The following IQCM variants were observed in gnomAD, a reference collection of about 807,000 sequenced individuals.
IQCM encodes IQ motif containing M, also known as IQ domain-containing protein M.
In IQCM, 45 loss-of-function variants were observed where a neutral mutation model predicts 57.6. That is an observed-to-expected ratio of 0.78 (90% CI 0.62 to 1.00). The LOEUF is 1.00. Ranked by LOEUF, IQCM falls within the 50% of genes least tolerant of loss-of-function variation. IQCM has a pLI of 0.00. For synonymous variants in IQCM, 148 were observed against 158.9 expected (o/e 0.93, Z 0.51); for missense variants, 468 against 511.6 (o/e 0.91, Z 0.82).
chr4:149,487,844 T>C (rs1030724643), intron 12 of IQCM, among the ~76,000 whole-genome samples: 2 of 152,100 alleles, frequency 1.3e-5, no homozygotes, highest in African/African-American at 4.8e-5. Context: ...TTCAAGACTC[T>C]CTCTCTCTCC....
intron 2 of IQCM, among the ~76,000 whole-genome samples, chr4:149,778,325 G>A (rs1487659466): frequency 2.0e-5 from 3 of 152,030 alleles, no homozygotes; most frequent in Non-Finnish European, 2.9e-5. Context: ...GCAGTGAGCG[G>A]AGATGGCGCC....
intron 7 of IQCM, among the ~76,000 whole-genome samples, chr4:149,662,114 G>T: frequency 6.6e-6 from 1 of 152,020 alleles, no homozygotes; most frequent in African/African-American, 2.4e-5. Flanking sequence ...CTTTTGCTAT[G>T]TCCCGTGGGT....
intron 2 of IQCM, among the ~76,000 whole-genome samples, chr4:149,796,390 T>C (rs1773119689): frequency 6.6e-6 from 1 of 152,184 alleles, no homozygotes; most frequent in African/African-American, 2.4e-5. Flanking sequence ...CAGCTCAGCC[T>C]CAGTACAGTA....
At chr4:149,396,603 C>A (rs1732247094) in intron 13 of IQCM, among the ~76,000 whole-genome samples, 1 of 151,964 alleles carries the variant, frequency 6.6e-6, no homozygotes, top group Admixed American at 6.6e-5. Context: ...ACCCTCTTGA[C>A]AAATTTTTAA....
chr4:149,505,285 A>T (rs1199342756), intron 12 of IQCM, among the ~76,000 whole-genome samples: 1 of 152,210 alleles, frequency 6.6e-6, no homozygotes, highest in African/African-American at 2.4e-5. Flanking sequence ...ACTAGATGTA[A>T]TTTTAAAATA....
At chr4:149,669,711 C>T in intron 7 of IQCM, among the ~76,000 whole-genome samples, 1 of 152,148 alleles carries the variant, frequency 6.6e-6, no homozygotes, top group Non-Finnish European at 1.5e-5. Context: ...CCGGTTTTCC[C>T]AGCACCATTT....
intron 13 of IQCM, among the ~76,000 whole-genome samples, chr4:149,357,997 T>C (rs1729134701): frequency 6.6e-6 from 1 of 152,232 alleles, no homozygotes; most frequent in Non-Finnish European, 1.5e-5. Flanking sequence ...TCGAGGAATT[T>C]ATCCATTTCT....
At chr4:149,770,053 CA>C (rs1201142390) in intron 2 of IQCM, among the ~76,000 whole-genome samples, 3 of 151,900 alleles carry the variant, frequency 2.0e-5, no homozygotes, top group African/African-American at 7.2e-5. Flanking sequence ...CTCCAAAGCT[CA>C]TTCTTTAGAA....
At chr4:149,669,772 AG>A (rs755097304) in intron 7 of IQCM, among the ~76,000 whole-genome samples, 1 of 152,180 alleles carries the variant, frequency 6.6e-6, no homozygotes, top group Non-Finnish European at 1.5e-5. Flanking sequence ...GGTTTGTCAA[AG>A]ATCAGACGGT....
chr4:149,382,798 G>T (rs191716607), intron 13 of IQCM, among the ~76,000 whole-genome samples: 144 of 152,082 alleles, frequency 9.5e-4, no homozygotes, highest in Middle Eastern at 3.4e-3. Context: ...GAGTGATATT[G>T]TTCACATTAA....
At chr4:149,516,538 T>C (rs1744988584) in intron 12 of IQCM, among the ~76,000 whole-genome samples, 1 of 152,190 alleles carries the variant, frequency 6.6e-6, no homozygotes, top group African/African-American at 2.4e-5. Context: ...CAATGCCAAC[T>C]AGGTAACAAT....
chr4:149,752,631 C>A (rs1768565005), intron 2 of IQCM, among the ~76,000 whole-genome samples: 1 of 151,280 alleles, frequency 6.6e-6, no homozygotes, highest in Non-Finnish European at 1.5e-5. Context: ...TACTTTTAGT[C>A]ATCTTCAAGG....
intron 12 of IQCM, among the ~76,000 whole-genome samples, chr4:149,486,005 C>G (rs1741440336): frequency 6.6e-6 from 1 of 151,000 alleles, no homozygotes; most frequent in Non-Finnish European, 1.5e-5. Flanking sequence ...TACTTTCTCC[C>G]AAGCAAACAG....
chr4:149,718,626 G>A (rs1189944379), intron 5 of IQCM, among the ~76,000 whole-genome samples: 1 of 152,178 alleles, frequency 6.6e-6, no homozygotes, highest in Non-Finnish European at 1.5e-5. Context: ...TTAAAACGAC[G>A]ATTTCCTCAC....
At chr4:149,405,871 CAT>C (rs1416070491) in intron 13 of IQCM, among the ~76,000 whole-genome samples, 10 of 93,978 alleles carry the variant, frequency 1.1e-4, no homozygotes, top group East Asian at 3.0e-4. Flanking sequence ...TATCTCTCTC[CAT>C]ATATATATAT....
chr4:149,588,546 A>C lies in IQCM; in HGVS notation c.682-549T>G, dbSNP rs539099793. On this transcript the variant is annotated intron_variant, in intron 8 of 13. Transcript: ENST00000636793. The stretch of plus-strand genomic sequence containing the variant: ...GACTGTACTTGAAGATAAGGTTTTT[A>C]ATGAAGTAACTATGGCTGAATGAGG... 1.6e-3 allele frequency among the ~76,000 whole-genome samples: 238 copies of C among 151,962 alleles called. 1 individual carries two copies. Among genetic ancestry groups the C allele is most frequent in the African/African-American group, 5.5e-3 (230 of 41,512 alleles).
chr4:149,764,588 G>A (rs547832804), intron 2 of IQCM, among the ~76,000 whole-genome samples: 18 of 152,150 alleles, frequency 1.2e-4, no homozygotes, highest in Admixed American at 2.6e-4. Flanking sequence ...TGACTCCCCT[G>A]CATATGTGTG....
rs192867575 is a variant in IQCM, at chr4:149,678,874, C to T, written c.565+3244G>A. Reference sequence around the variant, plus strand: ...TTAAAAATGGCTTCTATCAAAAAGACAGGCAATAAAAGATGCTGATGATAT... The same window carrying T: ...TTAAAAATGGCTTCTATCAAAAAGATAGGCAATAAAAGATGCTGATGATAT... On this transcript the variant is annotated intron_variant, in intron 7 of 13. Transcript: ENST00000636793. 1.2e-3 allele frequency among the ~76,000 whole-genome samples: 179 copies of T among 151,618 alleles called. 1 individual carries two copies. In the Middle Eastern group the frequency reaches 0.014, roughly 12 times the overall value.
chr4:149,709,218 T>C (rs1162129197), intron 5 of IQCM, among the ~76,000 whole-genome samples: 1 of 152,074 alleles, frequency 6.6e-6, no homozygotes, highest in Non-Finnish European at 1.5e-5. Context: ...ACTAGAACAT[T>C]AGCTTTCAGA....
Sources: gnomAD v4.1 joint callset for allele counts (sites outside exome capture counted in the v4.1 genomes callset) on GRCh38, gnomAD v4.1.1 for gene constraint, MANE v1.5 for transcripts, NCBI Gene and HGNC (gene_info 2026-07-23, HGNC 2026-07-21) for gene names.